CDH18: variants seen among roughly 807,000 people sequenced by gnomAD.
CDH18 encodes the protein cadherin-18.
Under a neutral mutation model 67.9 loss-of-function variants are expected in CDH18, and 31 were observed. That is an observed-to-expected ratio of 0.46 (90% CI 0.34 to 0.62). CDH18 has a LOEUF of 0.62. Ranked by LOEUF, CDH18 falls within the 20% of genes least tolerant of loss-of-function variation. CDH18 has a pLI of 0.01. For synonymous variants in CDH18, 362 were observed against 347.2 expected (o/e 1.04, Z -0.48); for missense variants, 890 against 975.5 (o/e 0.91, Z 1.17).
intron 1 of CDH18, among the ~76,000 whole-genome samples, chr5:20,317,752 A>G (rs1737608627): frequency 6.6e-6 from 1 of 152,184 alleles, no homozygotes; most frequent in Non-Finnish European, 1.5e-5. Context: ...TATGTTGATC[A>G]TGTGACATGG....
At chr5:19,923,933 C>G (rs1426724243) in intron 2 of CDH18, among the ~76,000 whole-genome samples, 2 of 152,170 alleles carry the variant, frequency 1.3e-5, no homozygotes, top group African/African-American at 2.4e-5. Flanking sequence ...CACCCCATCC[C>G]CCGGTGAGAT....
At chr5:20,519,962 TTTTTTTTTTTTTTTTTTTTG>T (rs1755639060) in intron 1 of CDH18, among the ~76,000 whole-genome samples, 9 of 105,660 alleles carry the variant, frequency 8.5e-5, no homozygotes, top group African/African-American at 3.4e-4. Flanking sequence ...TTTTTTTTTT[TTTTTTTTTTTTTTTTTTTTG>T]TATTTTTGGT....
chr5:19,821,186 C>T (rs1779832484), intron 3 of CDH18, among the ~76,000 whole-genome samples: 1 of 152,014 alleles, frequency 6.6e-6, no homozygotes. Context: ...AAAGTTGAAA[C>T]CCAATCCAAA....
At chr5:19,487,213 G>A (rs1315722921) in intron 11 of CDH18, among the ~76,000 whole-genome samples, 1 of 152,082 alleles carries the variant, frequency 6.6e-6, no homozygotes, top group African/African-American at 2.4e-5. Context: ...TTGAAAGGTA[G>A]GTAAATAGGT....
At chr5:20,258,205 T>G (rs1179466874) in intron 1 of CDH18, among the ~76,000 whole-genome samples, 1 of 151,964 alleles carries the variant, frequency 6.6e-6, no homozygotes, top group Admixed American at 6.6e-5. Context: ...CCAGGCCAAA[T>G]AAAAATAAGA....
intron 2 of CDH18, among the ~76,000 whole-genome samples, chr5:20,170,548 A>C (rs557333590): frequency 6.6e-6 from 1 of 152,212 alleles, no homozygotes; most frequent in Non-Finnish European, 1.5e-5. Context: ...CATACTAATA[A>C]TTTAGTGGAT....
chr5:20,448,120 A>G (rs1377033589), intron 1 of CDH18, among the ~76,000 whole-genome samples: 3 of 151,764 alleles, frequency 2.0e-5, no homozygotes, highest in East Asian at 2.0e-4. Context: ...CTCTCGTTCA[A>G]TTCCCACCTA....
chr5:19,898,966 C>A (rs1442443328), intron 2 of CDH18, among the ~76,000 whole-genome samples: 1 of 151,994 alleles, frequency 6.6e-6, no homozygotes, highest in Admixed American at 6.6e-5. Context: ...AGCAAATAAC[C>A]AAATAACCCA....
intron 5 of CDH18, among the ~76,000 whole-genome samples, chr5:19,695,011 A>T (rs1212711325): frequency 6.6e-6 from 1 of 152,168 alleles, no homozygotes; most frequent in Non-Finnish European, 1.5e-5. Context: ...CCTGAAACAG[A>T]GGGAGGGTCC....
intron 2 of CDH18, among the ~76,000 whole-genome samples, chr5:20,248,613 C>G (rs959213762): frequency 1.3e-5 from 2 of 152,170 alleles, no homozygotes; most frequent in Non-Finnish European, 2.9e-5. Context: ...ATCTAGAAAC[C>G]AGAGTTTTTA....
At chr5:20,206,633 T>A (rs1013282022) in intron 2 of CDH18, among the ~76,000 whole-genome samples, 1 of 151,786 alleles carries the variant, frequency 6.6e-6, no homozygotes, top group Non-Finnish European at 1.5e-5. Flanking sequence ...TTTACCTCAA[T>A]CAAGAGGGGT....
intron 2 of CDH18, among the ~76,000 whole-genome samples, chr5:19,971,968 G>A (rs1272718375): frequency 6.6e-6 from 1 of 151,970 alleles, no homozygotes; most frequent in East Asian, 1.9e-4. Flanking sequence ...TACATATAAA[G>A]GGAAACCTAG....
At chr5:19,535,852 G>T (rs891400804) in intron 9 of CDH18, among the ~76,000 whole-genome samples, 2 of 152,234 alleles carry the variant, frequency 1.3e-5, no homozygotes, top group Non-Finnish European at 2.9e-5. Flanking sequence ...CCAAACTTTG[G>T]CTCTTTTGGA....
At chr5:20,003,673 A>T (rs959734760) in intron 2 of CDH18, among the ~76,000 whole-genome samples, 1 of 152,112 alleles carries the variant, frequency 6.6e-6, no homozygotes, top group African/African-American at 2.4e-5. Flanking sequence ...GGTGCGGATC[A>T]CGAGGTCAGG....
chr5:19,668,812 T>C (rs1286867397), intron 5 of CDH18, among the ~76,000 whole-genome samples: 2 of 152,106 alleles, frequency 1.3e-5, no homozygotes, highest in Non-Finnish European at 2.9e-5. Flanking sequence ...TGCAAGCATG[T>C]ATATCCTTGT....
intron 3 of CDH18, among the ~76,000 whole-genome samples, chr5:19,760,868 C>G (rs748863168): frequency 6.6e-6 from 1 of 152,148 alleles, no homozygotes; most frequent in Non-Finnish European, 1.5e-5. Flanking sequence ...TTGCCTCAGG[C>G]AGCACAGAGT....
At chr5:20,206,166 T>C (rs1739868402) in intron 2 of CDH18, among the ~76,000 whole-genome samples, 1 of 151,834 alleles carries the variant, frequency 6.6e-6, no homozygotes, top group Non-Finnish European at 1.5e-5. Flanking sequence ...TAGCAACTTA[T>C]ACCACAGAAA....
At position 19,753,381 on chromosome 5, in the gene CDH18, G is replaced by A. The variant is rs569356531; in HGVS notation, c.229-6145C>T. 2.6e-5 allele frequency among the ~76,000 whole-genome samples: 4 copies of A among 152,268 alleles called. No homozygotes were observed. In the South Asian group the frequency reaches 8.3e-4, roughly 32 times the overall value. On this transcript the variant is annotated intron_variant, in intron 3 of 12. Coordinates refer to ENST00000382275, the MANE Select transcript of CDH18 (RefSeq NM_004934.5). ...GGAAACATTGGACACAGATAGAAAT[G>A]CAAAATTTTCTGGAAAGTCTTAGCA...
chr5:20,401,660 G>A (rs937382147), intron 1 of CDH18, among the ~76,000 whole-genome samples: 3 of 151,562 alleles, frequency 2.0e-5, no homozygotes, highest in Non-Finnish European at 4.4e-5. Context: ...TTTTCTTTTC[G>A]TCTTTCCCCA....
Sources: allele counts gnomAD v4.1 joint callset (sites outside exome capture counted in the v4.1 genomes callset), GRCh38; gene constraint gnomAD v4.1.1; transcripts MANE v1.5; gene names NCBI Gene and HGNC (gene_info 2026-07-23, HGNC 2026-07-21).